TTLL8: variants seen among roughly 807,000 people sequenced by gnomAD.
TTLL8 encodes the protein tubulin tyrosine ligase like 8, also known as protein monoglycylase TTLL8.
Under a neutral mutation model 77.8 loss-of-function variants are expected in TTLL8, and 65 were observed. The ratio of observed to expected loss-of-function variants is 0.84; its 90% confidence interval spans 0.68 to 1.03. TTLL8 has a LOEUF of 1.03. Among genes scored for constraint, TTLL8 ranks in the 50% least tolerant of loss-of-function variants. The probability of loss-of-function intolerance (pLI) is 0.00; values close to 1 mark genes in which losing one functional copy is unlikely to be tolerated. For synonymous variants in TTLL8, 402 were observed against 422.8 expected, an observed-to-expected ratio of 0.95 and a Z score of 0.60; for missense variants, 910 against 1,004.5, an observed-to-expected ratio of 0.91 and a Z score of 1.27.
At chr22:50,032,016 G>T in exon 11 of TTLL8, 1 of 1,366,582 alleles carries the variant, frequency 7.3e-7, no homozygotes, top group Non-Finnish European at 9.8e-7. Flanking sequence ...GGAACCTGGT[G>T]CTGGTCCACA....
In TTLL8 at chr22:50,018,816, CCAAAA is replaced by C. The variant is rs779956725; in HGVS notation, c.2204-2259_2204-2255del. 5.3e-5 allele frequency among the ~76,000 whole-genome samples: 8 copies of C among 152,312 alleles called. No homozygotes were observed. The East Asian group carries it at 1.5e-3, about 29-fold the overall frequency. On this transcript the variant is annotated intron_variant, in intron 12 of 13. Coordinates refer to ENST00000266182, the Ensembl canonical transcript of TTLL8. ...CCTGTGTGGAAAAGATATTGACAGA[CCAAAA>C]GCTCATCCGAACGTCCCATCACTGG...
upstream of TTLL8, among the ~76,000 whole-genome samples, chr22:50,056,012 C>T (rs2061468986): frequency 6.6e-6 from 1 of 152,186 alleles, no homozygotes; most frequent in African/African-American, 2.4e-5. The surrounding 1 kb of genome is among the most constrained non-coding windows in gnomAD (Gnocchi z 4.1). Flanking sequence ...GGCCACGACC[C>T]ACCAAAACCA....
chr22:50,037,030 T>C (rs1374582297), intron 8 of TTLL8, among the ~76,000 whole-genome samples: 1 of 152,184 alleles, frequency 6.6e-6, no homozygotes, highest in East Asian at 1.9e-4. Context: ...CATGTTTCCA[T>C]TTCTCTTGCA....
chr22:50,019,009 CTG>C lies in TTLL8; in HGVS notation c.2204-2449_2204-2448del, dbSNP rs551603583. ...GATGATGATAATCATGCCCAGTAGA[CTG>C]TTAAAAACATTATTAAACAGGCTGA... On this transcript the variant is annotated intron_variant, in intron 12 of 13. Coordinates refer to ENST00000266182, the Ensembl canonical transcript of TTLL8. Among the ~76,000 whole-genome samples the C allele has an allele frequency of 1.6e-3, 247 of 152,288 alleles. 2 individuals carry two copies. Among genetic ancestry groups the C allele is most frequent in the African/African-American group, 5.6e-3 (234 of 41,534 alleles).
At chr22:50,048,372 GC>G (rs1460550985) in intron 3 of TTLL8, among the ~76,000 whole-genome samples, 1 of 152,110 alleles carries the variant, frequency 6.6e-6, no homozygotes, top group Non-Finnish European at 1.5e-5. Flanking sequence ...ATGAGCCTGA[GC>G]CCCTTATGAT....
intron 12 of TTLL8, among the ~76,000 whole-genome samples, chr22:50,028,610 A>G (rs1328264151): frequency 1.7e-5 from 2 of 121,092 alleles, no homozygotes; most frequent in African/African-American, 6.3e-5. Flanking sequence ...CCCCCATCAC[A>G]CCGTCCTGAA....
Position 50,044,148 on chromosome 22 carries a change from A to T in TTLL8, c.643+1107T>A, listed in dbSNP as rs1046633561. 6.6e-6 allele frequency among the ~76,000 whole-genome samples: 1 copy of T among 152,128 alleles called. No homozygotes were observed. ...GAGACCAGCCTGGCCAACATGGCAA[A>T]ACCCCATCTCTACTAAAAATACAAA... On this transcript the variant is annotated intron_variant, in intron 6 of 13. Coordinates refer to ENST00000266182, the Ensembl canonical transcript of TTLL8. This position sits in a 1 kb window ranked among gnomAD's most constrained non-coding sequence, Gnocchi z 4.2.
intron 12 of TTLL8, among the ~76,000 whole-genome samples, chr22:50,028,390 G>T (rs1036646304): frequency 6.6e-6 from 1 of 152,204 alleles, no homozygotes; most frequent in African/African-American, 2.4e-5. Flanking sequence ...TGTCTGGGAG[G>T]CCACGTCACT....
At chr22:50,043,085 C>T (rs1327635272) in intron 6 of TTLL8, among the ~76,000 whole-genome samples, 1 of 152,172 alleles carries the variant, frequency 6.6e-6, no homozygotes, top group Non-Finnish European at 1.5e-5. Flanking sequence ...TGGAAGTGAC[C>T]GAGACGTCCT....
chr22:50,039,671 T>C (rs1256747208), intron 8 of TTLL8, among the ~76,000 whole-genome samples: 1 of 152,084 alleles, frequency 6.6e-6, no homozygotes, highest in East Asian at 1.9e-4. Flanking sequence ...CAACCCCACG[T>C]GTGCCAGCGT....
chr22:50,051,977 G>C (rs776752176), intron 1 of TTLL8, among the ~76,000 whole-genome samples: 1 of 152,138 alleles, frequency 6.6e-6, no homozygotes, highest in Non-Finnish European at 1.5e-5. Flanking sequence ...GGACGAAGCG[G>C]CACAATTACA....
Position 50,031,576 on chromosome 22 carries a change from A to G in TTLL8, c.1707+110T>C, listed in dbSNP as rs983077775. ...ACAGAGCAGGATCGGTGTCCTCCATAGACCCCGCTGCACTGGCGGCCTGCA... is the reference window on the plus strand; with the variant it reads ...ACAGAGCAGGATCGGTGTCCTCCATGGACCCCGCTGCACTGGCGGCCTGCA... On this transcript the variant is annotated intron_variant, in intron 11 of 13. Transcript: ENST00000266182. The G allele has an allele frequency of 3.0e-5, 36 of 1,191,928 alleles. 1 individual carries two copies. In the East Asian group the frequency reaches 7.0e-4, roughly 23 times the overall value. The allele number at this position is 1,191,928 out of a possible 1,614,324, so 73.8% of individuals were successfully genotyped here.
chr22:50,052,103 G>T (rs763953676), intron 1 of TTLL8, among the ~76,000 whole-genome samples: 2 of 152,058 alleles, frequency 1.3e-5, no homozygotes, highest in Admixed American at 6.6e-5. Context: ...GAGACATCTG[G>T]TTGGTCCCAG....
Position 50,048,917 on chromosome 22 carries a change from C to T in TTLL8, c.264+332G>A, listed in dbSNP as rs148250333. Among the ~76,000 whole-genome samples, 193 of 152,252 alleles carry T rather than the reference C, an allele frequency of 1.3e-3. 2 individuals are homozygous for T. The highest frequency in any genetic ancestry group is 2.3e-3 in the Non-Finnish European group (154 of 68,042). On this transcript the variant is annotated intron_variant, in intron 3 of 13. Transcript: ENST00000266182. Reference sequence around the variant, plus strand: ...CACTCGCTGGCCAGGCCCCATCCTGCAACACACCAGCCGGGCTGTCCGAGC... The same window carrying T: ...CACTCGCTGGCCAGGCCCCATCCTGTAACACACCAGCCGGGCTGTCCGAGC...
chr22:50,040,308 G>A lies in TTLL8; in HGVS notation c.921+879C>T, dbSNP rs139785164. Among the ~76,000 whole-genome samples the A allele has an allele frequency of 4.5e-4, 68 of 150,372 alleles. 2 individuals are homozygous for A. The East Asian group carries it at 8.3e-3, about 18-fold the overall frequency. On this transcript the variant is annotated intron_variant, in intron 8 of 13. Coordinates refer to ENST00000266182, the Ensembl canonical transcript of TTLL8. ...CCTCATGGACCTCACGTGTAACAGC[G>A]TGGATGGACCTCAAGGACCTCACAT... is the stretch of plus-strand genomic sequence containing the variant.
chr22:50,018,583 A>G (rs1200405025), intron 12 of TTLL8, among the ~76,000 whole-genome samples: 2 of 152,244 alleles, frequency 1.3e-5, no homozygotes, highest in East Asian at 1.9e-4. Context: ...AAGACATTCA[A>G]ATTCCAGGTT....
chr22:50,042,923 T>C (rs2061380665), intron 6 of TTLL8, among the ~76,000 whole-genome samples: 1 of 152,208 alleles, frequency 6.6e-6, no homozygotes. Flanking sequence ...TGGAAGACAG[T>C]CTGGCAGTTT....
chr22:50,033,114 C>T (rs1049606300), intron 10 of TTLL8, 88 bp downstream of exon 11: 14 of 1,250,084 alleles, frequency 1.1e-5, no homozygotes, highest in East Asian at 1.1e-4. Context: ...GGGCCCTGCC[C>T]GTGCTGCTTC....
chr22:50,045,949 G>A (rs367707905), exon 5 of TTLL8: 23 of 1,357,640 alleles, frequency 1.7e-5, no homozygotes, highest in African/African-American at 5.9e-5. Flanking sequence ...GGCAGGCTCC[G>A]CATGTTCACG....
Sources: gnomAD v4.1 joint callset for allele counts (sites outside exome capture counted in the v4.1 genomes callset) on GRCh38, gnomAD v4.1.1 for gene constraint, Gnocchi (gnomAD v3.1) non-coding constraint, MANE v1.5 for transcripts, NCBI Gene and HGNC (gene_info 2026-07-23, HGNC 2026-07-21) for gene names.